The following ASTN2 variants were observed in gnomAD, a reference collection of about 807,000 sequenced individuals.
ASTN2 encodes the protein astrotactin 2.
In ASTN2, 54 loss-of-function variants were observed where a neutral mutation model predicts 139.8. That is an observed-to-expected ratio of 0.39 (90% CI 0.31 to 0.48). The LOEUF is 0.48. Among genes scored for constraint, ASTN2 ranks in the 20% least tolerant of loss-of-function variants. The pLI is 0.95. For synonymous variants in ASTN2, 756 were observed against 719.5 expected (o/e 1.05, Z -0.81); for missense variants, 1,565 against 1,725.1 (o/e 0.91, Z 1.64).
chr9:116,684,362 A>G (rs1860070077), intron 16 of ASTN2, among the ~76,000 whole-genome samples: 1 of 152,180 alleles, frequency 6.6e-6, no homozygotes, highest in Non-Finnish European at 1.5e-5. Flanking sequence ...GTCTGGAGAG[A>G]GAGAAATTAT....
chr9:117,385,659 A>G (rs190266140), intron 1 of ASTN2, among the ~76,000 whole-genome samples: 22 of 152,104 alleles, frequency 1.4e-4, no homozygotes, highest in Non-Finnish European at 1.2e-4. Context: ...AGCTCAAGCA[A>G]GCATGCACAA....
At chr9:116,578,714 C>T (rs147268559) in intron 19 of ASTN2, among the ~76,000 whole-genome samples, 2 of 150,502 alleles carry the variant, frequency 1.3e-5, no homozygotes, top group African/African-American at 4.9e-5. Context: ...TTGTTTTTCC[C>T]CCAAACTCTA....
At chr9:116,640,897 A>C (rs1285762482) in intron 17 of ASTN2, among the ~76,000 whole-genome samples, 3 of 152,206 alleles carry the variant, frequency 2.0e-5, no homozygotes, top group African/African-American at 7.2e-5. Flanking sequence ...TTTGGGAAAG[A>C]GTGAATGTAT....
At chr9:116,627,128 TA>T (rs1346075988) in intron 17 of ASTN2, among the ~76,000 whole-genome samples, 1 of 152,158 alleles carries the variant, frequency 6.6e-6, no homozygotes, top group Non-Finnish European at 1.5e-5. Flanking sequence ...GTAGCATGTG[TA>T]AAAACACATA....
intron 19 of ASTN2, among the ~76,000 whole-genome samples, chr9:116,503,613 C>T (rs1338977387): frequency 6.6e-6 from 1 of 152,116 alleles, no homozygotes; most frequent in Admixed American, 6.5e-5. Flanking sequence ...TAATTCATAC[C>T]TAACCCTATG....
chr9:117,113,992 G>C (rs1269857029), intron 4 of ASTN2, among the ~76,000 whole-genome samples: 1 of 151,828 alleles, frequency 6.6e-6, no homozygotes, highest in Non-Finnish European at 1.5e-5. Flanking sequence ...TTGTAAACAA[G>C]TTATACTTTA....
At chr9:117,339,812 A>G (rs1174993068) in intron 1 of ASTN2, among the ~76,000 whole-genome samples, 2 of 151,352 alleles carry the variant, frequency 1.3e-5, no homozygotes, top group Admixed American at 6.6e-5. Flanking sequence ...CCACTCAGCT[A>G]TTCTGGCAAG....
chr9:117,210,842 G>C (rs1322752608), intron 3 of ASTN2, among the ~76,000 whole-genome samples: 1 of 151,726 alleles, frequency 6.6e-6, no homozygotes, highest in Non-Finnish European at 1.5e-5. Context: ...ATGTCAAAAA[G>C]ATAATACACC....
At chr9:117,243,405 C>CAT (rs1833273416) in intron 2 of ASTN2, among the ~76,000 whole-genome samples, 1 of 152,194 alleles carries the variant, frequency 6.6e-6, no homozygotes, top group African/African-American at 2.4e-5. Flanking sequence ...TGGTCTCAAG[C>CAT]ATAGGTCTTC....
chr9:117,201,034 T>G (rs995195723), intron 3 of ASTN2, among the ~76,000 whole-genome samples: 1 of 149,292 alleles, frequency 6.7e-6, no homozygotes. Context: ...GGTTATTAAT[T>G]ACTGCCTCAA....
intron 6 of ASTN2, among the ~76,000 whole-genome samples, chr9:117,033,989 C>A (rs1838317235): frequency 6.6e-6 from 1 of 152,140 alleles, no homozygotes; most frequent in Non-Finnish European, 1.5e-5. Flanking sequence ...TGTCTTCCAT[C>A]CTTTCCTTAA....
chr9:117,196,951 A>G (rs1831524976), intron 3 of ASTN2, among the ~76,000 whole-genome samples: 1 of 152,318 alleles, frequency 6.6e-6, no homozygotes, highest in East Asian at 1.9e-4. Flanking sequence ...ATATGCCAGC[A>G]TTTATCAAAC....
chr9:117,046,229 G>C (rs1437023449), intron 5 of ASTN2, among the ~76,000 whole-genome samples: 1 of 152,070 alleles, frequency 6.6e-6, no homozygotes, highest in Non-Finnish European at 1.5e-5. Context: ...TTGAACTCCT[G>C]ACCTCAGGTG....
At chr9:117,106,385 C>A (rs1046976679) in intron 4 of ASTN2, among the ~76,000 whole-genome samples, 1 of 151,912 alleles carries the variant, frequency 6.6e-6, no homozygotes, top group African/African-American at 2.4e-5. Flanking sequence ...TTAATAGAGA[C>A]GGGATTTTGC....
intron 1 of ASTN2, among the ~76,000 whole-genome samples, chr9:117,351,152 A>T (rs960978747): frequency 1.3e-5 from 2 of 152,178 alleles, no homozygotes; most frequent in Non-Finnish European, 2.9e-5. Flanking sequence ...GTAACAAAAA[A>T]CTTAAGATAC....
chr9:117,058,324 T>C (rs918085384), intron 5 of ASTN2, among the ~76,000 whole-genome samples: 1 of 152,160 alleles, frequency 6.6e-6, no homozygotes, highest in African/African-American at 2.4e-5. Flanking sequence ...GAGAACAAGA[T>C]GGGCAAGAGT....
rs904880829 is a variant in ASTN2 at position 116,890,470 on chromosome 9, T to A, written c.1890-26737A>T. Reference sequence around the variant, plus strand: ...CCATTTCCCCACCATTGTAGATATCTCAGGTCCATGCACAAAACCCAAGTG... The same window carrying A: ...CCATTTCCCCACCATTGTAGATATCACAGGTCCATGCACAAAACCCAAGTG... On this transcript the variant is annotated intron_variant, in intron 10 of 22. Transcript: ENST00000313400. Among the ~76,000 whole-genome samples, 5 of 152,218 alleles carry A rather than the reference T, an allele frequency of 3.3e-5. No individual in the cohort carries two copies. In the South Asian group the frequency reaches 8.3e-4, roughly 25 times the overall value.
chr9:116,890,071 C>G (rs577630693), intron 10 of ASTN2, among the ~76,000 whole-genome samples: 2 of 152,288 alleles, frequency 1.3e-5, no homozygotes, highest in South Asian at 2.1e-4. Flanking sequence ...GTTTATTGAT[C>G]AACATTTCAG....
intron 5 of ASTN2, among the ~76,000 whole-genome samples, chr9:117,064,780 AC>A (rs1402360926): frequency 6.7e-6 from 1 of 148,682 alleles, no homozygotes; most frequent in Non-Finnish European, 1.5e-5. Flanking sequence ...TGTACATGTA[AC>A]CCCTAGATCT....
Sources: gnomAD v4.1 joint callset for allele counts (sites outside exome capture counted in the v4.1 genomes callset) on GRCh38, gnomAD v4.1.1 for gene constraint, MANE v1.5 for transcripts, NCBI Gene and HGNC (gene_info 2026-07-23, HGNC 2026-07-21) for gene names.